The following CACNA2D1 variants were observed in gnomAD, a reference collection of about 807,000 sequenced individuals.
CACNA2D1 encodes the protein voltage-dependent calcium channel subunit alpha-2/delta-1.
In CACNA2D1, 53 loss-of-function variants were observed where a neutral mutation model predicts 171.5. The ratio of observed to expected loss-of-function variants is 0.31; its 90% CI spans 0.25 to 0.39. The LOEUF (loss-of-function observed/expected upper bound fraction) is 0.39. Ranked by LOEUF, CACNA2D1 falls within the 10% of genes least tolerant of loss-of-function variation. The pLI is 1.00. For synonymous variants in CACNA2D1, 442 were observed against 443.1 expected (o/e 1.00, Z 0.03); for missense variants, 903 against 1,299.8 (o/e 0.69, Z 4.69).
At chr7:82,429,739 A>T (rs1829513631) in intron 1 of CACNA2D1, among the ~76,000 whole-genome samples, 1 of 152,202 alleles carries the variant, frequency 6.6e-6, no homozygotes, top group Admixed American at 6.5e-5. Flanking sequence ...ATAAATTTTA[A>T]ACAATTACTC....
Position 82,309,406 on chromosome 7 carries a change from C to CA in CACNA2D1, c.294+25728dup, listed in dbSNP as rs902380109. ...AGGTGACAAGAGTGAAACTATGTCT[C>CA]AAAAAAAAAAAATTGTTGATAAAAT... On this transcript the variant is annotated intron_variant, in intron 3 of 38. Coordinates refer to ENST00000356860, the MANE Select transcript of CACNA2D1 (RefSeq NM_000722.4). Among the ~76,000 whole-genome samples the CA allele has an allele frequency of 1.2e-3, 167 of 139,680 alleles. 1 individual carries two copies. Among genetic ancestry groups the CA allele is most frequent in the Middle Eastern group, 3.7e-3 (1 of 270 alleles). 91.6% of individuals were successfully genotyped at this position (139,680 alleles called of 152,430 possible).
intron 36 of CACNA2D1, 117 bp from the exon 37 acceptor site, chr7:81,959,946 CCATTCCCAGCACA>C: frequency 6.9e-7 from 1 of 1,446,000 alleles, no homozygotes; most frequent in Admixed American, 2.0e-5. Context: ...GAAACAGAAA[CCATTCCCAGCACA>C]ATAGGAGTAT....
intron 1 of CACNA2D1, among the ~76,000 whole-genome samples, chr7:82,361,069 A>G (rs539907703): frequency 3.3e-5 from 5 of 152,306 alleles, no homozygotes; most frequent in African/African-American, 1.2e-4. Context: ...ATATATTGCA[A>G]TTTAATTGCT....
intron 1 of CACNA2D1, among the ~76,000 whole-genome samples, chr7:82,367,759 A>C (rs981646279): frequency 1.3e-5 from 2 of 152,178 alleles, no homozygotes; most frequent in African/African-American, 2.4e-5. Flanking sequence ...GTGATGAACA[A>C]GGTTTCTACT....
Position 82,172,640 on chromosome 7 carries a change from T to TTTTTTTTTTTC in CACNA2D1, c.295-2032_295-2031insGAAAAAAAAAA, listed in dbSNP as rs1491222972. On this transcript the variant is annotated intron_variant, in intron 3 of 38. Coordinates refer to ENST00000356860, the MANE Select transcript of CACNA2D1 (RefSeq NM_000722.4). ...GCTTTTTTTTTTTTTTTTTTTTTTT[T>TTTTTTTTTTTC]GGTAAAGATGGGGTCTCAAACTCCT... Among the ~76,000 whole-genome samples, 358 of 77,268 alleles carry TTTTTTTTTTTC rather than the reference T, an allele frequency of 4.6e-3. 12 individuals carry two copies. Among genetic ancestry groups the TTTTTTTTTTTC allele is most frequent in the African/African-American group, 0.017 (340 of 19,968 alleles). The allele number at this position is 77,268 out of a possible 152,430, so 50.7% of individuals were successfully genotyped here.
intron 3 of CACNA2D1, among the ~76,000 whole-genome samples, chr7:82,184,437 T>C (rs1434455430): frequency 2.0e-5 from 3 of 152,114 alleles, no homozygotes; most frequent in Non-Finnish European, 4.4e-5. Context: ...TTTTTAATGC[T>C]GTAAAATATT....
intron 14 of CACNA2D1, 118 bp downstream of exon 14, chr7:82,013,343 G>A: frequency 3.5e-6 from 1 of 287,632 alleles, no homozygotes; most frequent in Non-Finnish European, 6.3e-6. Context: ...TTTTAATATA[G>A]GTGTAATATT....
At chr7:82,291,664 T>A (rs1053639503) in intron 3 of CACNA2D1, among the ~76,000 whole-genome samples, 38 of 145,044 alleles carry the variant, frequency 2.6e-4, no homozygotes, top group African/African-American at 3.5e-4. Flanking sequence ...TATATATATT[T>A]TTTTTTCTTT....
chr7:82,176,622 G>T (rs1396532942), intron 3 of CACNA2D1, among the ~76,000 whole-genome samples: 1 of 151,718 alleles, frequency 6.6e-6, no homozygotes, highest in Non-Finnish European at 1.5e-5. Flanking sequence ...TAACCAGGAT[G>T]AGTTAACTTT....
intron 10 of CACNA2D1, among the ~76,000 whole-genome samples, chr7:82,046,111 C>T (rs1255062222): frequency 6.6e-6 from 1 of 152,034 alleles, no homozygotes; most frequent in Non-Finnish European, 1.5e-5. Context: ...CCTTTTCATT[C>T]CAGGAAAAAT....
rs576456979 is a variant in CACNA2D1 at position 81,990,746 on chromosome 7, G to C, written c.1796+439C>G. On this transcript the variant is annotated intron_variant, in intron 21 of 38. Transcript: ENST00000356860. Reference sequence around the variant, plus strand: ...CAACTTTCCGAAGCCCAGCCAATGGGAGGAATCACAATATTATAGAACTGA... The same window carrying C: ...CAACTTTCCGAAGCCCAGCCAATGGCAGGAATCACAATATTATAGAACTGA... Among the ~76,000 whole-genome samples, 7 of 152,224 alleles carry C rather than the reference G, an allele frequency of 4.6e-5. No individual in the cohort carries two copies. The South Asian group carries it at 1.5e-3, about 32-fold the overall frequency.
chr7:82,323,851 C>T (rs1475247529), intron 3 of CACNA2D1, among the ~76,000 whole-genome samples: 1 of 152,194 alleles, frequency 6.6e-6, no homozygotes, highest in Non-Finnish European at 1.5e-5. Context: ...AAGACAGAGC[C>T]TATCACTGTT....
intron 6 of CACNA2D1, among the ~76,000 whole-genome samples, chr7:82,115,457 AAT>A (rs1309184828): frequency 6.6e-6 from 1 of 152,026 alleles, no homozygotes; most frequent in African/African-American, 2.4e-5. Flanking sequence ...GCTTGGAATT[AAT>A]AGTCTCAGTT....
chr7:82,077,326 A>G (rs1478662878), intron 7 of CACNA2D1, among the ~76,000 whole-genome samples: 1 of 152,178 alleles, frequency 6.6e-6, no homozygotes, highest in Non-Finnish European at 1.5e-5. Flanking sequence ...TTCTGGCCAG[A>G]AACAAATGAA....
intron 3 of CACNA2D1, among the ~76,000 whole-genome samples, chr7:82,323,812 G>T (rs570062362): frequency 2.6e-5 from 4 of 152,230 alleles, no homozygotes; most frequent in African/African-American, 7.2e-5. Context: ...CCAACTCAAA[G>T]AATCTCATTT....
intron 3 of CACNA2D1, among the ~76,000 whole-genome samples, chr7:82,217,792 T>C (rs982708086): frequency 6.6e-6 from 1 of 151,774 alleles, no homozygotes; most frequent in Non-Finnish European, 1.5e-5. Context: ...TTTTGAAAAC[T>C]ACTTTTCAGC....
chr7:82,411,774 C>T (rs921871631), intron 1 of CACNA2D1, among the ~76,000 whole-genome samples: 1 of 151,868 alleles, frequency 6.6e-6, no homozygotes, highest in East Asian at 1.9e-4. Context: ...TAAGGCATTT[C>T]TCGCAATAGG....
At chr7:82,292,150 CCTTT>C (rs1811723232) in intron 3 of CACNA2D1, among the ~76,000 whole-genome samples, 1 of 152,038 alleles carries the variant, frequency 6.6e-6, no homozygotes, top group Admixed American at 6.6e-5. Context: ...TGTGACACTT[CCTTT>C]ATTTTACAAC....
intron 1 of CACNA2D1, among the ~76,000 whole-genome samples, chr7:82,369,484 C>T (rs1822124859): frequency 6.6e-6 from 1 of 151,784 alleles, no homozygotes; most frequent in Non-Finnish European, 1.5e-5. Context: ...TGATAGTTTG[C>T]AGTAGCATCA....
Sources: allele counts gnomAD v4.1 joint callset (sites outside exome capture counted in the v4.1 genomes callset), GRCh38; gene constraint gnomAD v4.1.1; transcripts MANE v1.5; gene names NCBI Gene and HGNC (gene_info 2026-07-23, HGNC 2026-07-21).